The following OPCML variants were observed in gnomAD, a reference collection of about 807,000 sequenced individuals.
The protein encoded by OPCML is opioid-binding protein/cell adhesion molecule.
A neutral mutation model predicts 37.8 loss-of-function variants in OPCML; 13 were observed. That is an observed-to-expected ratio of 0.34 (90% CI 0.22 to 0.55). The LOEUF (loss-of-function observed/expected upper bound fraction) is 0.55. Ranked by LOEUF, OPCML falls within the 20% of genes least tolerant of loss-of-function variation. The pLI is 0.91. For missense variants in OPCML, 341 were observed against 435.6 expected, an observed-to-expected ratio of 0.78 and a Z score of 1.93; for synonymous variants, 176 against 168.8, an observed-to-expected ratio of 1.04 and a Z score of -0.33.
At chr11:133,125,358 C>G (rs1949484640) in intron 1 of OPCML, among the ~76,000 whole-genome samples, 1 of 152,006 alleles carries the variant, frequency 6.6e-6, no homozygotes, top group African/African-American at 2.4e-5. Context: ...ATCTCTTTTT[C>G]TCTTCCTCTC....
At chr11:133,079,297 C>G (rs1948672655) in intron 1 of OPCML, among the ~76,000 whole-genome samples, 2 of 152,110 alleles carry the variant, frequency 1.3e-5, no homozygotes, top group African/African-American at 4.8e-5. Flanking sequence ...CAGGGTTATC[C>G]CATCTGAATA....
chr11:133,292,443 C>T (rs1942506796), intron 1 of OPCML, among the ~76,000 whole-genome samples: 2 of 152,034 alleles, frequency 1.3e-5, no homozygotes, highest in South Asian at 2.1e-4. Context: ...TGCGGCGATC[C>T]CTTCAATATT....
At chr11:132,444,402 A>G (rs2096047411) in intron 4 of OPCML, among the ~76,000 whole-genome samples, 1 of 152,178 alleles carries the variant, frequency 6.6e-6, no homozygotes, top group Non-Finnish European at 1.5e-5. Flanking sequence ...TTTGAAGGAT[A>G]CACATCAGAA....
chr11:132,520,684 G>GTGTGTGTGTGTGTT (rs2096290978), intron 4 of OPCML, among the ~76,000 whole-genome samples: 2 of 145,912 alleles, frequency 1.4e-5, no homozygotes, highest in Non-Finnish European at 1.5e-5. Context: ...ATGTGTGTGT[G>GTGTGTGTGTGTGTT]TGTGTGTGTG....
intron 3 of OPCML, among the ~76,000 whole-genome samples, chr11:132,583,272 G>T (rs980206391): frequency 6.6e-6 from 1 of 151,936 alleles, no homozygotes; most frequent in Non-Finnish European, 1.5e-5. Flanking sequence ...TTTGATCCAA[G>T]ATTATTATGC....
At chr11:132,955,187 G>A (rs1945951550) in intron 1 of OPCML, among the ~76,000 whole-genome samples, 1 of 152,108 alleles carries the variant, frequency 6.6e-6, no homozygotes, top group Non-Finnish European at 1.5e-5. Flanking sequence ...GCACGGTTTT[G>A]TCTTATTTCA....
chr11:132,504,443 T>C (rs1208123236), intron 4 of OPCML, among the ~76,000 whole-genome samples: 1 of 152,184 alleles, frequency 6.6e-6, no homozygotes, highest in Non-Finnish European at 1.5e-5. Flanking sequence ...ACTATATCTG[T>C]GGGTCAGGAA....
chr11:132,535,451 C>T (rs990799979), intron 3 of OPCML, among the ~76,000 whole-genome samples: 2 of 152,120 alleles, frequency 1.3e-5, no homozygotes, highest in Admixed American at 6.6e-5. Context: ...GGGCCTGGGA[C>T]CAGATGCAGA....
chr11:133,167,492 T>C (rs1950225010), intron 1 of OPCML, among the ~76,000 whole-genome samples: 1 of 151,874 alleles, frequency 6.6e-6, no homozygotes, highest in South Asian at 2.1e-4. Flanking sequence ...AGGTTAGCAA[T>C]GTCTCTGGGA....
intron 1 of OPCML, among the ~76,000 whole-genome samples, chr11:133,254,474 T>C (rs566282331): frequency 6.6e-6 from 1 of 152,284 alleles, no homozygotes; most frequent in South Asian, 2.1e-4. Flanking sequence ...GCACTAGTGC[T>C]TCTTCAACCC....
chr11:133,529,929 C>G (rs148567417), intron 1 of OPCML, among the ~76,000 whole-genome samples: 2 of 152,208 alleles, frequency 1.3e-5, no homozygotes, highest in African/African-American at 4.8e-5. Context: ...GTTCTTTCAC[C>G]GACACCTTCT....
chr11:132,712,398 G>A (rs887435459), intron 2 of OPCML, among the ~76,000 whole-genome samples: 8 of 151,666 alleles, frequency 5.3e-5, no homozygotes, highest in South Asian at 2.1e-4. Context: ...GCTCCCCCTC[G>A]GTGGAAGAGC....
intron 1 of OPCML, among the ~76,000 whole-genome samples, chr11:133,343,237 T>C (rs1943917338): frequency 6.6e-6 from 1 of 152,082 alleles, no homozygotes; most frequent in Non-Finnish European, 1.5e-5. Context: ...GCTCATGGTG[T>C]AGTCACCCGC....
At chr11:133,264,413 G>T (rs1161016791) in intron 1 of OPCML, among the ~76,000 whole-genome samples, 11 of 152,222 alleles carry the variant, frequency 7.2e-5, no homozygotes, top group Non-Finnish European at 1.2e-4. Context: ...CAAGAGGGAA[G>T]TGTTCAGAAG....
chr11:132,936,405 C>T (rs1413218763), intron 2 of OPCML, among the ~76,000 whole-genome samples: 1 of 152,112 alleles, frequency 6.6e-6, no homozygotes, highest in Non-Finnish European at 1.5e-5. Context: ...GACCCGTAGG[C>T]TGTTAATAGG....
At chr11:133,119,927 G>A (rs530119729) in intron 1 of OPCML, among the ~76,000 whole-genome samples, 10 of 152,148 alleles carry the variant, frequency 6.6e-5, no homozygotes, top group Non-Finnish European at 1.5e-4. Flanking sequence ...ATGCTGTGGG[G>A]CAGATGCAGG....
At chr11:133,416,677 A>C (rs924845682) in intron 1 of OPCML, among the ~76,000 whole-genome samples, 3 of 152,218 alleles carry the variant, frequency 2.0e-5, no homozygotes, top group Admixed American at 6.5e-5. Flanking sequence ...TGCAGGTTGA[A>C]TGATCACCCA....
At chr11:133,302,975 A>T (rs1592182765) in intron 1 of OPCML, among the ~76,000 whole-genome samples, 1 of 152,202 alleles carries the variant, frequency 6.6e-6, no homozygotes, top group South Asian at 2.1e-4. Flanking sequence ...ACAACATACT[A>T]AAATGCCAAG....
At chr11:133,160,945 G>A (rs7929891) in intron 1 of OPCML, among the ~76,000 whole-genome samples, 42,037 of 152,146 alleles carry the variant, frequency 0.28, 5,860 homozygotes, top group South Asian at 0.34. Flanking sequence ...TGTTCTGCAC[G>A]GTGTGAGGCC....
Sources: allele counts gnomAD v4.1 joint callset (sites outside exome capture counted in the v4.1 genomes callset), GRCh38; gene constraint gnomAD v4.1.1; transcripts MANE v1.5; gene names NCBI Gene and HGNC (gene_info 2026-07-23, HGNC 2026-07-21).